XCL1: variants seen among roughly 807,000 people sequenced by gnomAD.
The protein encoded by XCL1 is lymphotactin.
Under a neutral mutation model 7.4 loss-of-function variants are expected in XCL1, and 6 were observed. That is an observed-to-expected ratio of 0.82 (90% CI 0.45 to 1.61). The LOEUF (loss-of-function observed/expected upper bound fraction) is 1.61. Ranked by LOEUF, XCL1 falls within the 40% of genes most tolerant of loss-of-function variation. The pLI is 0.01. For missense variants in XCL1, 122 were observed against 138.2 expected (o/e 0.88, Z 0.59); for synonymous variants, 48 against 52.4 (o/e 0.92, Z 0.36).
intron 1 of XCL1, among the ~76,000 whole-genome samples, chr1:168,578,426 A>C (rs761583089): frequency 6.6e-6 from 1 of 152,176 alleles, no homozygotes; most frequent in Non-Finnish European, 1.5e-5. Context: ...AACTTGGATT[A>C]GATTTCACCC....
In XCL1 at chr1:168,581,338, T is replaced by A. The variant is rs1655167913; in HGVS notation, c.*118T>A. Reference sequence around the variant, plus strand: ...CTGCATGAATAAAATTATTCCTTTGTATTTTTACTTTTAAATGTCTTCTGT... The same window carrying A: ...CTGCATGAATAAAATTATTCCTTTGAATTTTTACTTTTAAATGTCTTCTGT... On this transcript the variant is annotated 3_prime_UTR_variant, in exon 3 of 3. Transcript: ENST00000367818. 2 of 1,338,280 alleles carry A rather than the reference T, an allele frequency of 1.5e-6. No homozygotes were observed. The highest frequency in any genetic ancestry group is 2.0e-6 in the Non-Finnish European group (2 of 1,008,254). The allele number at this position is 1,338,280 out of a possible 1,614,324, so 82.9% of individuals were successfully genotyped here.
chr1:168,580,716 G>C (rs1486739097), intron 2 of XCL1, among the ~76,000 whole-genome samples: 1 of 152,084 alleles, frequency 6.6e-6, no homozygotes, highest in Non-Finnish European at 1.5e-5. Flanking sequence ...TAAAAAATAA[G>C]ATGAATATTT....
At chr1:168,576,735 G>T in intron 1 of XCL1, 37 bp downstream of exon 1, 5 of 1,613,602 alleles carry the variant, frequency 3.1e-6, no homozygotes, top group Non-Finnish European at 4.2e-6. Flanking sequence ...AAAGAACAGG[G>T]AGGCAAGGCA....
chr1:168,578,327 C>T (rs1655075473), intron 1 of XCL1, among the ~76,000 whole-genome samples: 3 of 152,208 alleles, frequency 2.0e-5, no homozygotes, highest in South Asian at 4.1e-4. Context: ...TGGCCATTAT[C>T]AGTGGTTACT....
At chr1:168,580,247 G>T in intron 2 of XCL1, 70 bp downstream of exon 2, 1 of 1,514,970 alleles carries the variant, frequency 6.6e-7, no homozygotes, top group Non-Finnish European at 9.0e-7. Flanking sequence ...CTGTAGAAAT[G>T]CTGCCGTCCT....
At chr1:168,580,918 T>G in intron 2 of XCL1, 134 bp from the exon 3 acceptor site, 1 of 1,285,576 alleles carries the variant, frequency 7.8e-7, no homozygotes, top group Non-Finnish European at 1.1e-6. Context: ...TCATTTATGA[T>G]CTCATGGCTC....
chr1:168,579,007 A>G (rs1197604706), intron 1 of XCL1: 21 of 412,060 alleles, frequency 5.1e-5, no homozygotes, highest in East Asian at 6.7e-5. Flanking sequence ...AGGTGGTGAT[A>G]GTGTTAACCC....
chr1:168,576,714 G>A lies in XCL1; in HGVS notation c.61+16G>A, dbSNP rs1398999911. The A allele has an allele frequency of 1.9e-6, 3 of 1,613,760 alleles. No homozygotes were observed. The highest frequency in any genetic ancestry group is 2.2e-5 in the East Asian group (1 of 44,850). On this transcript the variant is annotated intron_variant, in intron 1 of 2. Coordinates refer to ENST00000367818, the MANE Select transcript of XCL1 (RefSeq NM_002995.3). ...ATTGTGGAAGGTAAGTGGAGAAGCT[G>A]TCTGTGAGATAAAGAACAGGGAGGC...
chr1:168,579,184 G>A (rs1655094112), intron 1 of XCL1: 2 of 394,870 alleles, frequency 5.1e-6, no homozygotes, highest in East Asian at 6.7e-5. Flanking sequence ...AGGCTTGGGT[G>A]AACTGGTTAA....
Position 168,578,842 on chromosome 1 carries a change from T to G in XCL1, c.62-1221T>G, listed in dbSNP as rs2101836237. ...ACTTGTGTGAAGGCCACAGTGGTGC[T>G]TCCTGTGGACTGGATGTCCCAGTCT... On this transcript the variant is annotated intron_variant, in intron 1 of 2. Transcript: ENST00000367818. 14 of 417,016 alleles carry G rather than the reference T, an allele frequency of 3.4e-5. 1 individual carries two copies. Among genetic ancestry groups the G allele is most frequent in the South Asian group, 2.6e-4 (14 of 53,488 alleles). The allele number at this position is 417,016 out of a possible 1,614,324, so 25.8% of individuals were successfully genotyped here.
In XCL1 at chr1:168,581,224, T is replaced by C; in HGVS notation, c.*4T>C. 1.2e-6 allele frequency: 2 copies of C among 1,612,852 alleles called. No homozygotes were observed. Among genetic ancestry groups the C allele is most frequent in the Non-Finnish European group, 1.7e-6 (2 of 1,179,128 alleles). ...AGCTGTGACTCTGACTGGCTAGTAG[T>C]CTCTGGCACCCTGTCCGTCTCCAGC... On this transcript the variant is annotated 3_prime_UTR_variant, in exon 3 of 3. Transcript: ENST00000367818.
chr1:168,581,044 C>T lies in XCL1; in HGVS notation c.177-8C>T, dbSNP rs368436762. 262 of 1,612,946 alleles carry T rather than the reference C, an allele frequency of 1.6e-4. 1 individual carries two copies. Among genetic ancestry groups the T allele is most frequent in the South Asian group, 1.1e-3 (104 of 90,926 alleles). On this transcript the variant is annotated splice_polypyrimidine_tract_variant and splice_region_variant and intron_variant, in intron 2 of 2. Coordinates refer to ENST00000367818, the MANE Select transcript of XCL1 (RefSeq NM_002995.3). The stretch of plus-strand genomic sequence containing the variant: ...GCTAACTTCGTCTGTCTTTTCCTTG[C>T]GTTACAGTTTTATTACCAAACGTGG...
intron 1 of XCL1, among the ~76,000 whole-genome samples, chr1:168,579,608 T>C (rs1655106957): frequency 6.6e-6 from 1 of 152,154 alleles, no homozygotes; most frequent in African/African-American, 2.4e-5. Flanking sequence ...GTTGCACTAT[T>C]TGAAATGATC....
At chr1:168,578,707 G>T in intron 1 of XCL1, 1 of 335,016 alleles carries the variant, frequency 3.0e-6, no homozygotes, top group Non-Finnish European at 5.7e-6. Context: ...TTGGCATTGT[G>T]AGCCACAGAT....
chr1:168,581,395 T>G lies in XCL1; in HGVS notation c.*175T>G. 1 of 728,478 alleles carries G rather than the reference T, an allele frequency of 1.4e-6. No homozygotes were observed. Among genetic ancestry groups the G allele is most frequent in the South Asian group, 4.0e-5 (1 of 24,980 alleles). 45.1% of individuals were successfully genotyped at this position (728,478 alleles called of 1,614,324 possible). Reference sequence around the variant, plus strand: ...TTATATGTTCTAATTAATAAATTATTTATTATTAAGAATAGTTCCCTAGTC... The same window carrying G: ...TTATATGTTCTAATTAATAAATTATGTATTATTAAGAATAGTTCCCTAGTC... On this transcript the variant is annotated 3_prime_UTR_variant, in exon 3 of 3. Coordinates refer to ENST00000367818, the MANE Select transcript of XCL1 (RefSeq NM_002995.3).
chr1:168,578,934 T>C, intron 1 of XCL1: 2 of 368,626 alleles, frequency 5.4e-6, no homozygotes. Flanking sequence ...AGACAGAAAG[T>C]TAACCAGCTT....
chr1:168,577,011 T>A (rs1655040127), intron 1 of XCL1, among the ~76,000 whole-genome samples: 1 of 152,232 alleles, frequency 6.6e-6, no homozygotes, highest in African/African-American at 2.4e-5. Flanking sequence ...TCACCTGAGA[T>A]TAAGATTAAA....
Position 168,581,217 on chromosome 1 carries a change from C to G in XCL1, c.342C>G (p.Gly114=), listed in dbSNP as rs960770955. The change falls in exon 3 of 3, where the codon GGC becomes GGG. Residue 114 remains glycine (G), a synonymous_variant. Transcript: ENST00000367818. ...CCAATACAGCTGTGACTCTGACTGG[C>G]TAGTAGTCTCTGGCACCCTGTCCGT... The part of the protein sequence containing the change: ...QSTNTAVTLT[G] 2 of 1,613,256 alleles carry G rather than the reference C, an allele frequency of 1.2e-6. No individual in the cohort carries two copies. The highest frequency in any genetic ancestry group is 2.7e-5 in the African/African-American group (2 of 74,818).
Position 168,580,053 on chromosome 1 carries a change from TC to T in XCL1, c.62-8del, listed in dbSNP as rs759745481. On this transcript the variant is annotated splice_polypyrimidine_tract_variant and intron_variant, in intron 1 of 2. Coordinates refer to ENST00000367818, the MANE Select transcript of XCL1 (RefSeq NM_002995.3). ...TTTTTAATTGTCTGTTGTTTTTTTTTCCTCACCAGGTGTAGGGAGTGAAGTC... is the reference window on the plus strand; with the variant it reads ...TTTTTAATTGTCTGTTGTTTTTTTTTCTCACCAGGTGTAGGGAGTGAAGTC... 19 of 1,604,662 alleles carry T rather than the reference TC, an allele frequency of 1.2e-5. No individual in the cohort carries two copies. The African/African-American group carries it at 2.2e-4, about 18-fold the overall frequency.
Sources: allele counts gnomAD v4.1 joint callset (sites outside exome capture counted in the v4.1 genomes callset), GRCh38; gene constraint gnomAD v4.1.1; transcripts MANE v1.5; gene names NCBI Gene and HGNC (gene_info 2026-07-23, HGNC 2026-07-21).